SPTA1: variants seen among roughly 807,000 people sequenced by gnomAD.
SPTA1 encodes the protein spectrin alpha, erythrocytic 1.
Under a neutral mutation model 324.7 loss-of-function variants are expected in SPTA1, and 177 were observed. That is an observed-to-expected ratio of 0.55 (90% confidence interval 0.48 to 0.62). The LOEUF (loss-of-function observed/expected upper bound fraction) is 0.62. SPTA1 is among the 20% of genes least tolerant of loss of function. The pLI is 0.00. For missense variants in SPTA1, 3,162 were observed against 2,883.6 expected (o/e 1.10, Z -2.21); for synonymous variants, 1,195 against 1,041.3 (o/e 1.15, Z -2.84).
At position 158,623,123 on chromosome 1, in the gene SPTA1, T is replaced by A; in HGVS notation, c.5980A>T (p.Lys1994Ter). The change falls in exon 43 of 52, where the codon AAA becomes TAA. Residue 1994 changes from lysine (K) to a stop codon, truncating the protein, a stop_gained. Transcript: ENST00000643759. LOFTEE classifies it high-confidence loss of function. ...RLPEITDLKD[K>*]LISAQHNQSK... ...TGGTTGTGTTGAGCAGAAATCAGTT[T>A]GTCCTTCAGGTCAGTGATCTCGGGA... 6.2e-7 allele frequency: 1 copy of A among 1,614,188 alleles called. No homozygotes were observed. Among genetic ancestry groups the A allele is most frequent in the Non-Finnish European group, 8.5e-7 (1 of 1,180,040 alleles).
intron 39 of SPTA1, 119 bp from the exon 40 acceptor site, chr1:158,627,842 G>T: frequency 1.1e-6 from 1 of 922,746 alleles, no homozygotes; most frequent in Non-Finnish European, 1.7e-6. Flanking sequence ...TGGCAGACTA[G>T]GTGAATGCCC....
In SPTA1 at chr1:158,683,444, C is replaced by G. The variant is rs961147463; in HGVS notation, c.317G>C (p.Arg106Thr). 1 of 1,613,310 alleles carries G rather than the reference C, an allele frequency of 6.2e-7. No individual in the cohort carries two copies. Among genetic ancestry groups the G allele is most frequent in the Non-Finnish European group, 8.5e-7 (1 of 1,179,524 alleles). ...TGTTTTTTCCAGTTCAGACATGAGT[C>G]TTGATTTTGTTTGCACCTCTGCTTC... Reference protein sequence around the residue: ...SLEAEVQTKSRLMSELEKTRE... With the variant: ...SLEAEVQTKSTLMSELEKTRE... Residue 106 changes from arginine to threonine, a missense_variant, in exon 3 of 52, where the codon AGA (arginine) becomes ACA (threonine). Physicochemically the swap from Arg to Thr is moderately conservative, Grantham distance 71. Coordinates refer to ENST00000643759, the MANE Select transcript of SPTA1 (RefSeq NM_003126.4).
intron 1 of SPTA1, 28 bp from the exon 2 acceptor site, chr1:158,685,375 G>T (rs1259138197): frequency 6.2e-6 from 10 of 1,609,232 alleles, no homozygotes; most frequent in Non-Finnish European, 7.6e-6. Flanking sequence ...TCTGTTACTT[G>T]CTAGTTCTCA....
intron 10 of SPTA1, 32 bp downstream of exon 10, chr1:158,674,297 G>T: frequency 6.3e-7 from 1 of 1,584,268 alleles, no homozygotes; most frequent in Non-Finnish European, 8.7e-7. Context: ...ATATATAATT[G>T]GAATTTGACA....
chr1:158,629,311 G>A (rs1650524606), intron 39 of SPTA1, among the ~76,000 whole-genome samples: 1 of 151,632 alleles, frequency 6.6e-6, no homozygotes, highest in Admixed American at 6.6e-5. Flanking sequence ...GTTGAATCCA[G>A]CAGCACATTA....
intron 41 of SPTA1, 42 bp from the exon 42 acceptor site, chr1:158,626,264 T>C (rs1210293167): frequency 6.3e-7 from 1 of 1,584,244 alleles, no homozygotes; most frequent in African/African-American, 1.3e-5. Context: ...ACATTTGGTC[T>C]TGTTTGAGTC....
intron 39 of SPTA1, 57 bp from the exon 40 acceptor site, chr1:158,627,780 C>T: frequency 1.3e-6 from 2 of 1,534,980 alleles, no homozygotes; most frequent in Non-Finnish European, 1.8e-6. Context: ...TCTATATTCA[C>T]TCATATTCAG....
intron 48 of SPTA1, 30 bp downstream of exon 48, chr1:158,615,186 C>G (rs1444503295): frequency 6.2e-7 from 1 of 1,612,350 alleles, no homozygotes; most frequent in Non-Finnish European, 8.5e-7. Context: ...ACCTGCATCC[C>G]TCCCTGCTCT....
rs1653224262 is a variant in SPTA1 at position 158,661,620 on chromosome 1, C to G, written c.2465-211G>C. 6.3e-6 allele frequency: 4 copies of G among 632,656 alleles called. No homozygotes were observed. The South Asian group carries it at 7.9e-5, about 13-fold the overall frequency. 39.2% of individuals were successfully genotyped at this position (632,656 alleles called of 1,614,324 possible). ...CTTTTTATTAATAAATTTCAATTCA[C>G]TGTTATACAACAGATAATGAAAACA... On this transcript the variant is annotated intron_variant, in intron 17 of 51. Coordinates refer to ENST00000643759, the MANE Select transcript of SPTA1 (RefSeq NM_003126.4).
intron 51 of SPTA1, 91 bp downstream of exon 51, chr1:158,612,726 G>T (rs1462276669): frequency 9.7e-6 from 14 of 1,438,088 alleles, no homozygotes; most frequent in Non-Finnish European, 1.4e-5. Context: ...AAACAAGTGG[G>T]TGGGTTTTTT....
Position 158,652,533 on chromosome 1 carries a change from T to C in SPTA1, c.3309A>G (p.Ala1103=), listed in dbSNP as rs1359603241. 6.2e-7 allele frequency: 1 copy of C among 1,614,190 alleles called. No homozygotes were observed. The highest frequency in any genetic ancestry group is 1.7e-5 in the Admixed American group (1 of 60,018). The change falls in exon 23 of 52, where the codon GCA becomes GCG. Residue 1103 remains alanine, a synonymous_variant. Coordinates refer to ENST00000643759, the MANE Select transcript of SPTA1 (RefSeq NM_003126.4). ...DMLEWIQEKK[A]ENTGVELDDV... is the part of the protein sequence containing the mutation. ...CATCTAGTTCCACTCCAGTGTTTTC[T>C]GCCTTTTTCTCTTGAATCCATTCCA...
At position 158,657,458 on chromosome 1, in the gene SPTA1, A is replaced by T; in HGVS notation, c.2805+19T>A. 1 of 1,594,466 alleles carries T rather than the reference A, an allele frequency of 6.3e-7. No individual in the cohort carries two copies. The highest frequency in any genetic ancestry group is 8.6e-7 in the Non-Finnish European group (1 of 1,166,958). ...GCGTTTGTTGAGGATTCACAATGTT[A>T]AACCCACCCCCACCTTACCCCAGCT... On this transcript the variant is annotated intron_variant, in intron 19 of 51. Transcript: ENST00000643759.
At chr1:158,659,960 G>A (rs1039384582) in intron 18 of SPTA1, among the ~76,000 whole-genome samples, 1 of 152,136 alleles carries the variant, frequency 6.6e-6, no homozygotes, top group African/African-American at 2.4e-5. Flanking sequence ...TCCACTAAGA[G>A]TGTGTCAGAG....
chr1:158,653,153 T>TA, intron 22 of SPTA1, 121 bp downstream of exon 22: 2 of 1,486,802 alleles, frequency 1.3e-6, no homozygotes, highest in Non-Finnish European at 1.9e-6. Context: ...TTTCGATTCT[T>TA]AAAATCTTCA....
chr1:158,647,796 C>A, intron 26 of SPTA1, 76 bp from the exon 27 acceptor site: 1 of 1,487,728 alleles, frequency 6.7e-7, no homozygotes, highest in South Asian at 1.2e-5. Context: ...TCCTGAGTCC[C>A]AGTATTCAGC....
rs546466361 is a variant in SPTA1 at position 158,638,574 on chromosome 1, T to A, written c.4981-333A>T. Among the ~76,000 whole-genome samples the A allele has an allele frequency of 2.6e-5, 4 of 152,014 alleles. No homozygotes were observed. In the East Asian group the frequency reaches 7.8e-4, roughly 29 times the overall value. ...GGCTCATGCCTGTAATCCCAGCACT[T>A]TGAGAGGCCAAGGCGGTTGGATCAA... On this transcript the variant is annotated intron_variant, in intron 35 of 51. Transcript: ENST00000643759.
intron 42 of SPTA1, among the ~76,000 whole-genome samples, chr1:158,625,916 A>T (rs1353179529): frequency 6.6e-6 from 1 of 151,930 alleles, no homozygotes; most frequent in Admixed American, 6.5e-5. Context: ...CCCAGAGAAA[A>T]ATTAAAAAGC....
intron 23 of SPTA1, among the ~76,000 whole-genome samples, chr1:158,652,045 G>C (rs1205635925): frequency 6.6e-6 from 1 of 152,014 alleles, no homozygotes. Flanking sequence ...ATATTGAAAG[G>C]GTTTTAGGTA....
In SPTA1 at chr1:158,626,897, T is replaced by G; in HGVS notation, c.5775A>C (p.Glu1925Asp). The change falls in exon 41 of 52, where the codon GAA becomes GAC. Residue 1925 changes from glutamate to aspartate, a missense_variant. Transcript: ENST00000643759. ...KAIAAWKLQL[E>D]DDYAFQEFNW... ...TGAATTCCTGAAAGGCATAATCGTC[T>G]TCCAATTGCAACTTCCAAGCAGCTA... The G allele has an allele frequency of 6.2e-7, 1 of 1,613,942 alleles. No individual in the cohort carries two copies. Among genetic ancestry groups the G allele is most frequent in the Non-Finnish European group, 8.5e-7 (1 of 1,179,832 alleles).
Sources: allele counts gnomAD v4.1 joint callset (sites outside exome capture counted in the v4.1 genomes callset), GRCh38; gene constraint gnomAD v4.1.1; transcripts MANE v1.5; gene names NCBI Gene and HGNC (gene_info 2026-07-23, HGNC 2026-07-21).